CPAMD8: variants seen among roughly 807,000 people sequenced by gnomAD.
CPAMD8 encodes C3 and PZP-like alpha-2-macroglobulin domain-containing protein 8.
In CPAMD8, 146 loss-of-function variants were observed where a neutral mutation model predicts 224.7. That is an observed-to-expected ratio of 0.65 (90% CI 0.57 to 0.75). The LOEUF (loss-of-function observed/expected upper bound fraction) is 0.75, where lower values mean the gene tolerates loss of function less well. Among genes scored for constraint, CPAMD8 ranks in the 30% least tolerant of loss-of-function variants. CPAMD8 has a pLI of 0.00. For missense variants in CPAMD8, 2,301 were observed against 2,537.5 expected (o/e 0.91, Z 2.00); for synonymous variants, 966 against 1,044.6 (o/e 0.92, Z 1.45).
chr19:16,977,134 A>T (rs1384267811), intron 15 of CPAMD8, among the ~76,000 whole-genome samples: 1 of 152,152 alleles, frequency 6.6e-6, no homozygotes, highest in Non-Finnish European at 1.5e-5. Flanking sequence ...TAAATCCTGA[A>T]TTCAACAAAG....
At position 16,929,182 on chromosome 19, in the gene CPAMD8, C is replaced by T. The variant is rs768682277; in HGVS notation, c.2904G>A (p.Leu968=). Residue 968 remains leucine, a synonymous_variant, in exon 24 of 42, where the codon CTG becomes CTA. Transcript: ENST00000443236. ...KYEFQYVQRP[L]RLTRFDVAVR... ...CAGCCACATCAAAGCGGGTGAGGCG[C>T]AGTGGCCGCTGCACATACTGGAACT... is the stretch of plus-strand genomic sequence containing the variant. The T allele has an allele frequency of 2.0e-5, 33 of 1,614,006 alleles. No homozygotes were observed. The highest frequency in any genetic ancestry group is 2.7e-5 in the Non-Finnish European group (32 of 1,179,948).
intron 30 of CPAMD8, among the ~76,000 whole-genome samples, chr19:16,904,990 G>A (rs773860): frequency 0.4 from 60,770 of 151,914 alleles, 12,871 homozygotes; most frequent in African/African-American, 0.51. Context: ...CCTGTAATCC[G>A]AGCACTTTGG....
rs762510121 is a variant in CPAMD8 at position 16,902,690 on chromosome 19, C to T, written c.4644G>A (p.Gln1548=). 1.9e-6 allele frequency: 3 copies of T among 1,609,734 alleles called. No individual in the cohort carries two copies. The highest frequency in any genetic ancestry group is 2.5e-6 in the Non-Finnish European group (3 of 1,178,360). ...GCATCACCTTGTATTCCTGGTGATG[C>T]TGATCGGCCGCTGGGTCATCATCGT... The part of the protein sequence containing the change: ...PADDDDPAAD[Q]HHQEYKVMLE... The change falls in exon 35 of 42, where the codon CAG becomes CAA. Residue 1548 remains glutamine, a synonymous_variant. Coordinates refer to ENST00000443236, the MANE Select transcript of CPAMD8 (RefSeq NM_015692.5).
intron 21 of CPAMD8, among the ~76,000 whole-genome samples, chr19:16,946,311 A>G (rs1379539827): frequency 2.1e-5 from 3 of 143,598 alleles, no homozygotes; most frequent in Non-Finnish European, 3.0e-5. Flanking sequence ...ACATGCAGGC[A>G]TGTGCGTGTG....
chr19:17,014,041 T>TCTCTCTCTC (rs2056743666), intron 3 of CPAMD8, among the ~76,000 whole-genome samples: 1 of 146,644 alleles, frequency 6.8e-6, no homozygotes, highest in Middle Eastern at 3.4e-3. Flanking sequence ...CTTTCTTTCT[T>TCTCTCTCTC]TCTCTTTCTC....
chr19:16,895,945 G>C, intron 41 of CPAMD8: 1 of 673,064 alleles, frequency 1.5e-6, no homozygotes, highest in Non-Finnish European at 2.7e-6. Flanking sequence ...GTGCGCCCGC[G>C]CACAGCTGTT....
At chr19:16,933,251 G>GAA (rs58383042) in intron 23 of CPAMD8, among the ~76,000 whole-genome samples, 1 of 139,494 alleles carries the variant, frequency 7.2e-6, no homozygotes, top group Non-Finnish European at 1.6e-5. Flanking sequence ...AAAATTTTGA[G>GAA]AAAAAAAAAA....
chr19:16,896,298 G>A lies in CPAMD8; in HGVS notation c.5304C>T (p.Ser1768=), dbSNP rs747075006. The part of the protein sequence containing the change: ...LEQRLPASSS[S]TYGDDLASVA... ...CAGAAGCCAGGTCATCCCCGTAGGT[G>A]GAGGACGACGAGGCCGGCAGCCGCT... Residue 1768 remains serine, a synonymous_variant, in exon 41 of 42, where the codon TCC becomes TCT. Coordinates refer to ENST00000443236, the MANE Select transcript of CPAMD8 (RefSeq NM_015692.5). 2 of 1,611,176 alleles carry A rather than the reference G, an allele frequency of 1.2e-6. No individual in the cohort carries two copies. Among genetic ancestry groups the A allele is most frequent in the South Asian group, 1.1e-5 (1 of 90,976 alleles).
rs1226642707 is a variant in CPAMD8, at chr19:16,901,297, C to A, written c.4686G>T (p.Arg1562Ser). ...EYKVMLEVCT[R>S]WLHAGSSNMA... is the part of the protein sequence containing the mutation. ...TATTGGAAGACCCTGCATGCAGCCA[C>A]CTTCCAACAACAGGGGAGAGAGAGA... The change falls in exon 36 of 42, where the codon AGG becomes AGT. Residue 1562 changes from arginine to serine, a missense_variant and splice_region_variant. This residue lies in a region of CPAMD8 where 1,709 missense variants were observed against 1,753.2 expected (regional missense o/e 0.97). Transcript: ENST00000443236. The A allele has an allele frequency of 1.2e-6, 2 of 1,605,502 alleles. No homozygotes were observed. The highest frequency in any genetic ancestry group is 1.7e-6 in the Non-Finnish European group (2 of 1,173,380).
At chr19:16,906,925 C>A (rs1317620086) in intron 30 of CPAMD8, 27 bp downstream of exon 30, 13 of 1,564,692 alleles carry the variant, frequency 8.3e-6, no homozygotes, top group African/African-American at 1.3e-5. Context: ...GACGCTGTGG[C>A]CTCTGGGGAG....
chr19:16,949,008 AAAAG>A (rs1299831781), intron 20 of CPAMD8, among the ~76,000 whole-genome samples: 6 of 136,188 alleles, frequency 4.4e-5, no homozygotes, highest in Admixed American at 2.2e-4. Flanking sequence ...GAGAGAAAAG[AAAAG>A]AAAGAAAGAA....
chr19:17,010,666 C>T (rs894687771), intron 5 of CPAMD8, among the ~76,000 whole-genome samples: 2 of 152,050 alleles, frequency 1.3e-5, no homozygotes, highest in Non-Finnish European at 2.9e-5. Flanking sequence ...ACATTATTTA[C>T]CATTAAAATA....
rs566481459 is a variant in CPAMD8, at chr19:16,928,052, G to A, written c.3327C>T (p.His1109=). The change falls in exon 25 of 42, where the codon CAC becomes CAT. Residue 1109 remains histidine (H), a synonymous_variant. Transcript: ENST00000443236. ...YSEAFTLGVP[H]GAIPGSERAT... is the part of the protein sequence containing the mutation. ...CTCGCTCAGACCCAGGGATGGCGCCGTGTGGGACCCCCAGGGTGAAGGCCT... is the reference window on the plus strand; with the variant it reads ...CTCGCTCAGACCCAGGGATGGCGCCATGTGGGACCCCCAGGGTGAAGGCCT... 151 of 1,613,760 alleles carry A rather than the reference G, an allele frequency of 9.4e-5. 1 individual carries two copies. In the Middle Eastern group the frequency reaches 1.2e-3, roughly 12 times the overall value.
chr19:16,992,792 T>C (rs1258495331), intron 12 of CPAMD8, among the ~76,000 whole-genome samples: 2 of 152,070 alleles, frequency 1.3e-5, no homozygotes, highest in Non-Finnish European at 2.9e-5. Flanking sequence ...GAGGTGCTAA[T>C]TACGGGCATG....
chr19:16,960,599 G>T (rs940058261), intron 18 of CPAMD8, among the ~76,000 whole-genome samples: 6 of 151,308 alleles, frequency 4.0e-5, no homozygotes, highest in Non-Finnish European at 8.8e-5. Flanking sequence ...ATGCACAGAA[G>T]AATATCTAAG....
At chr19:16,933,260 A>C (rs2053596066) in intron 23 of CPAMD8, among the ~76,000 whole-genome samples, 1 of 152,176 alleles carries the variant, frequency 6.6e-6, no homozygotes. Flanking sequence ...AGAAAAAAAA[A>C]ACAGGGTTTA....
intron 8 of CPAMD8, among the ~76,000 whole-genome samples, 182 bp downstream of exon 8, chr19:17,004,091 A>G (rs1449633759): frequency 2.6e-5 from 4 of 151,814 alleles, no homozygotes; most frequent in Non-Finnish European, 5.9e-5. Flanking sequence ...TTTTTAGTAG[A>G]CACGAGGTTT....
chr19:16,940,188 A>G, intron 22 of CPAMD8, among the ~76,000 whole-genome samples: 1 of 152,204 alleles, frequency 6.6e-6, no homozygotes, highest in South Asian at 2.1e-4. Flanking sequence ...CTAGGATTAC[A>G]GGCGTGAGCC....
intron 26 of CPAMD8, among the ~76,000 whole-genome samples, chr19:16,923,005 C>T (rs1472359474): frequency 6.6e-6 from 1 of 152,266 alleles, no homozygotes; most frequent in African/African-American, 2.4e-5. Flanking sequence ...CTTGGGGCAG[C>T]GCCCTCTGTC....
Sources: gnomAD v4.1 joint callset for allele counts (sites outside exome capture counted in the v4.1 genomes callset) on GRCh38, gnomAD v4.1.1 for gene constraint, gnomAD v4.1.1 regional missense constraint, MANE v1.5 for transcripts, NCBI Gene and HGNC (gene_info 2026-07-23, HGNC 2026-07-21) for gene names.